Variants in AOAH observed in about 807,000 individuals in gnomAD.
AOAH encodes the protein acyloxyacyl hydrolase, also known as acyloxyacyl hydrolase (neutrophil).
AOAH carries 64 observed loss-of-function variants against 92.2 expected under a neutral mutation model. The ratio of observed to expected loss-of-function variants is 0.69; its 90% CI spans 0.57 to 0.86. AOAH has a LOEUF of 0.86. Among genes scored for constraint, AOAH ranks in the 40% least tolerant of loss-of-function variants. The pLI is 0.00. For missense variants in AOAH, 656 were observed against 694.6 expected, an observed-to-expected ratio of 0.94 and a Z score of 0.62; for synonymous variants, 263 against 254.5, an observed-to-expected ratio of 1.03 and a Z score of -0.32.
rs189318822 is a variant in AOAH, at chr7:36,694,574, T to A, written c.128-7780A>T. 1.6e-3 allele frequency among the ~76,000 whole-genome samples: 239 copies of A among 152,174 alleles called. 1 individual carries two copies. Among genetic ancestry groups the A allele is most frequent in the South Asian group, 3.3e-3 (16 of 4,816 alleles). On this transcript the variant is annotated intron_variant, in intron 1 of 20. Transcript: ENST00000617537. ...ATACACTTTTGTCTATACTATATTT[T>A]AAAAAAAATCCTTTATCTTAAGGTG...
intron 1 of AOAH, among the ~76,000 whole-genome samples, chr7:36,698,484 A>T (rs1321003616): frequency 6.6e-6 from 1 of 151,528 alleles, no homozygotes; most frequent in Non-Finnish European, 1.5e-5. Context: ...TTGGCTTTGG[A>T]TTCTTCATTT....
At chr7:36,633,505 CG>C (rs1364790863) in intron 5 of AOAH, among the ~76,000 whole-genome samples, 1 of 152,098 alleles carries the variant, frequency 6.6e-6, no homozygotes, top group African/African-American at 2.4e-5. Flanking sequence ...GCCTGGCTCC[CG>C]GAAGAGGGAG....
chr7:36,538,898 T>A (rs1785246544), intron 16 of AOAH, among the ~76,000 whole-genome samples: 1 of 152,240 alleles, frequency 6.6e-6, no homozygotes, highest in Non-Finnish European at 1.5e-5. Flanking sequence ...GAAAATGGTT[T>A]CATCCTTATT....
intron 14 of AOAH, among the ~76,000 whole-genome samples, 193 bp downstream of exon 14, chr7:36,549,246 C>T (rs1349042367): frequency 6.6e-6 from 1 of 152,154 alleles, no homozygotes; most frequent in African/African-American, 2.4e-5. Flanking sequence ...ATTTTTATCA[C>T]CCTTCTTTGA....
intron 3 of AOAH, among the ~76,000 whole-genome samples, chr7:36,660,245 C>T (rs1439806177): frequency 5.6e-4 from 85 of 152,230 alleles, no homozygotes; most frequent in Non-Finnish European, 5.9e-5. Context: ...GGTCTCTTCA[C>T]ACGGACGTGC....
intron 12 of AOAH, among the ~76,000 whole-genome samples, chr7:36,582,381 G>A (rs925421628): frequency 8.5e-5 from 13 of 152,144 alleles, no homozygotes; most frequent in South Asian, 2.1e-4. Flanking sequence ...AGTGAGTCAC[G>A]TTAACTTTCC....
At chr7:36,577,590 G>A (rs889269435) in intron 12 of AOAH, among the ~76,000 whole-genome samples, 1 of 151,994 alleles carries the variant, frequency 6.6e-6, no homozygotes, top group African/African-American at 2.4e-5. Flanking sequence ...CCAGTATCAG[G>A]CTATAATTAT....
At chr7:36,682,151 C>T (rs1476794985) in intron 2 of AOAH, among the ~76,000 whole-genome samples, 1 of 152,226 alleles carries the variant, frequency 6.6e-6, no homozygotes, top group Non-Finnish European at 1.5e-5. Flanking sequence ...GAATTAGTGG[C>T]TAGAGTCATC....
At chr7:36,699,540 T>G (rs1797906310) in intron 1 of AOAH, among the ~76,000 whole-genome samples, 1 of 152,122 alleles carries the variant, frequency 6.6e-6, no homozygotes, top group Non-Finnish European at 1.5e-5. Context: ...TGATTAGTGA[T>G]GTTGAGAATG....
Position 36,673,893 on chromosome 7 carries a change from C to T in AOAH, c.290+50G>A, listed in dbSNP as rs1796080717. On this transcript the variant is annotated intron_variant, in intron 3 of 20. Transcript: ENST00000617537. ...CTCCCACCTCCCAGTTTTCTTGTTC[C>T]TCCCATGTCCCAGCAATGGAATCAG... 3 of 1,351,372 alleles carry T rather than the reference C, an allele frequency of 2.2e-6. No homozygotes were observed. In the East Asian group the frequency reaches 7.1e-5, roughly 32 times the overall value. 83.7% of individuals were successfully genotyped at this position (1,351,372 alleles called of 1,614,324 possible).
At chr7:36,584,240 A>G (rs1024908595) in intron 12 of AOAH, among the ~76,000 whole-genome samples, 3 of 152,218 alleles carry the variant, frequency 2.0e-5, no homozygotes, top group African/African-American at 7.2e-5. Context: ...GTCTTTTAAG[A>G]AATGTGTGTT....
chr7:36,584,397 C>A (rs141035622), intron 12 of AOAH, among the ~76,000 whole-genome samples: 2,550 of 152,248 alleles, frequency 0.017, 80 homozygotes, highest in African/African-American at 0.057. Context: ...CTAGAGAAAT[C>A]TGTAGAGTGT....
At chr7:36,705,597 TACCATTG>T (rs749416577) in intron 1 of AOAH, among the ~76,000 whole-genome samples, 50 of 152,320 alleles carry the variant, frequency 3.3e-4, no homozygotes, top group Non-Finnish European at 6.5e-4. Flanking sequence ...CCCCTCAAGC[TACCATTG>T]ACTTTCTTCA....
In AOAH at chr7:36,522,245, C is replaced by T; in HGVS notation, c.1523-130G>A. 3 of 706,606 alleles carry T rather than the reference C, an allele frequency of 4.2e-6. No homozygotes were observed. In the South Asian group the frequency reaches 5.1e-5, roughly 12 times the overall value. The allele number at this position is 706,606 out of a possible 1,614,324, so 43.8% of individuals were successfully genotyped here. A position where few individuals can be genotyped will look rare whatever the true frequency, so the allele number is the denominator to read the frequency against. ...TGACCAAGCCACGGCTGCCTCTGAG[C>T]TGCTCTCTTGCACTGGGGGATTTCT... On this transcript the variant is annotated intron_variant, in intron 19 of 20. Transcript: ENST00000617537.
intron 13 of AOAH, among the ~76,000 whole-genome samples, chr7:36,564,625 A>G: frequency 6.6e-6 from 1 of 152,270 alleles, no homozygotes; most frequent in Non-Finnish European, 1.5e-5. Flanking sequence ...AGCCCTAAAC[A>G]AAAGACATCT....
In AOAH at chr7:36,671,370, A is replaced by C. The variant is rs1488179526; in HGVS notation, c.290+2573T>G. ...TACTTTCTTTTTTACTTTCATAAAC[A>C]TATAGTCAGTATTTTGCTAAGTACC... On this transcript the variant is annotated intron_variant, in intron 3 of 20. Coordinates refer to ENST00000617537, the MANE Select transcript of AOAH (RefSeq NM_001637.4). Among the ~76,000 whole-genome samples, 10 of 152,244 alleles carry C rather than the reference A, an allele frequency of 6.6e-5. No homozygotes were observed. The South Asian group carries it at 2.1e-3, about 32-fold the overall frequency.
At chr7:36,672,636 G>T (rs1796002673) in intron 3 of AOAH, among the ~76,000 whole-genome samples, 1 of 152,162 alleles carries the variant, frequency 6.6e-6, no homozygotes, top group Non-Finnish European at 1.5e-5. Flanking sequence ...GGGGGAAAGG[G>T]GAGGGAGAGC....
At chr7:36,719,128 A>T (rs982963607) in intron 1 of AOAH, among the ~76,000 whole-genome samples, 1 of 152,238 alleles carries the variant, frequency 6.6e-6, no homozygotes, top group African/African-American at 2.4e-5. Flanking sequence ...GGATAATGAT[A>T]ATACAGACTT....
At chr7:36,656,260 A>G (rs906102168) in intron 4 of AOAH, among the ~76,000 whole-genome samples, 2 of 152,212 alleles carry the variant, frequency 1.3e-5, no homozygotes, top group African/African-American at 4.8e-5. Context: ...AGGTGGAAGA[A>G]GCCAGACACA....
Sources: allele counts gnomAD v4.1 joint callset (sites outside exome capture counted in the v4.1 genomes callset), GRCh38; gene constraint gnomAD v4.1.1; transcripts MANE v1.5; gene names NCBI Gene and HGNC (gene_info 2026-07-23, HGNC 2026-07-21).